CDK8: variants seen among roughly 807,000 people sequenced by gnomAD.
CDK8 encodes cyclin dependent kinase 8.
In CDK8, 29 loss-of-function variants were observed where a neutral mutation model predicts 71.5. That is an observed-to-expected ratio of 0.41 (90% confidence interval 0.30 to 0.55). The LOEUF (loss-of-function observed/expected upper bound fraction) is 0.55, where lower values mean the gene tolerates loss of function less well. Among genes scored for constraint, CDK8 ranks in the 20% least tolerant of loss-of-function variants. The pLI is 0.37. For synonymous variants in CDK8, 161 were observed against 192.1 expected (o/e 0.84, Z 1.34); for missense variants, 288 against 572.6 (o/e 0.50, Z 5.07).
chr13:26,389,412 G>C (rs1180523247), intron 6 of CDK8, among the ~76,000 whole-genome samples: 1 of 151,904 alleles, frequency 6.6e-6, no homozygotes, highest in South Asian at 2.1e-4. Flanking sequence ...CGCCTGCCTC[G>C]GCCTCCCAAA....
At chr13:26,376,397 T>C (rs2138036456) in intron 4 of CDK8, among the ~76,000 whole-genome samples, 1 of 152,304 alleles carries the variant, frequency 6.6e-6, no homozygotes, top group African/African-American at 2.4e-5. Context: ...TTAGAATTTG[T>C]TTAAACTGTT....
At position 26,371,899 on chromosome 13, in the gene CDK8, T is replaced by C. The variant is rs531976880; in HGVS notation, c.457-10915T>C. Among the ~76,000 whole-genome samples the C allele has an allele frequency of 7.9e-5, 12 of 152,264 alleles. No homozygotes were observed. The East Asian group carries it at 1.7e-3, about 22-fold the overall frequency. ...TCCCAAAGTGCTGAGATTACGAGCA[T>C]GAGCTACCGTGCCTGGCCATAACTT... On this transcript the variant is annotated intron_variant, in intron 4 of 12. Coordinates refer to ENST00000381527, the MANE Select transcript of CDK8 (RefSeq NM_001260.3).
chr13:26,290,195 G>A (rs534938540), intron 1 of CDK8, among the ~76,000 whole-genome samples: 1 of 152,146 alleles, frequency 6.6e-6, no homozygotes, highest in Non-Finnish European at 1.5e-5. Context: ...GAAATATAGA[G>A]TATAACTGTA....
At chr13:26,343,510 C>A (rs778026446) in intron 2 of CDK8, among the ~76,000 whole-genome samples, 1 of 152,028 alleles carries the variant, frequency 6.6e-6, no homozygotes, top group Non-Finnish European at 1.5e-5. Flanking sequence ...TCTATGGATT[C>A]GCCCCAAATT....
At chr13:26,380,856 A>G (rs941106250) in intron 4 of CDK8, among the ~76,000 whole-genome samples, 6 of 152,186 alleles carry the variant, frequency 3.9e-5, no homozygotes, top group Non-Finnish European at 7.4e-5. Context: ...TTATACCTCT[A>G]TCGCTCTACA....
At chr13:26,377,529 C>A (rs1310137277) in intron 4 of CDK8, among the ~76,000 whole-genome samples, 2 of 151,982 alleles carry the variant, frequency 1.3e-5, no homozygotes, top group African/African-American at 4.8e-5. Context: ...GTTAAGAATT[C>A]TATGCTTTTT....
chr13:26,313,810 C>G (rs975267454), intron 1 of CDK8, among the ~76,000 whole-genome samples: 14 of 152,078 alleles, frequency 9.2e-5, no homozygotes, highest in Non-Finnish European at 1.5e-5. Context: ...ATATTTACTC[C>G]TTTAACTCAG....
chr13:26,392,897 A>G (rs1463925916), intron 6 of CDK8, among the ~76,000 whole-genome samples: 1 of 152,222 alleles, frequency 6.6e-6, no homozygotes, highest in African/African-American at 2.4e-5. Flanking sequence ...AAAATATTTT[A>G]TCACAAAAAT....
chr13:26,321,890 A>G (rs1305183603), intron 1 of CDK8, among the ~76,000 whole-genome samples: 1 of 152,146 alleles, frequency 6.6e-6, no homozygotes, highest in African/African-American at 2.4e-5. Context: ...AAGACCATAT[A>G]TGAATACCCT....
At chr13:26,361,826 C>A (rs1226572554) in intron 4 of CDK8, among the ~76,000 whole-genome samples, 1 of 100,190 alleles carries the variant, frequency 1.0e-5, no homozygotes, top group African/African-American at 4.3e-5. Flanking sequence ...GACAGGGTGT[C>A]ACTGTGTTGC....
intron 4 of CDK8, among the ~76,000 whole-genome samples, chr13:26,373,030 C>A (rs1874764112): frequency 6.6e-6 from 1 of 152,128 alleles, no homozygotes; most frequent in Non-Finnish European, 1.5e-5. Flanking sequence ...CACTTCAGAG[C>A]CTTCTTGTTT....
chr13:26,376,715 T>C (rs1467429906), intron 4 of CDK8, among the ~76,000 whole-genome samples: 1 of 152,208 alleles, frequency 6.6e-6, no homozygotes, highest in Non-Finnish European at 1.5e-5. Flanking sequence ...CTTAAACTAG[T>C]GTGCTATGCC....
chr13:26,270,657 G>A (rs1022478032), intron 1 of CDK8, among the ~76,000 whole-genome samples: 4 of 152,090 alleles, frequency 2.6e-5, no homozygotes, highest in Non-Finnish European at 5.9e-5. Flanking sequence ...TTTTGTGACT[G>A]ACTTCCTTCA....
intron 1 of CDK8, among the ~76,000 whole-genome samples, chr13:26,324,475 T>G (rs1874932928): frequency 6.6e-6 from 1 of 152,192 alleles, no homozygotes; most frequent in Non-Finnish European, 1.5e-5. Flanking sequence ...ATAGTAACAC[T>G]TGGAGTATAA....
chr13:26,257,800 G>A (rs1289202903), intron 1 of CDK8, among the ~76,000 whole-genome samples: 1 of 151,952 alleles, frequency 6.6e-6, no homozygotes, highest in Non-Finnish European at 1.5e-5. Flanking sequence ...CTTCAAAAAA[G>A]AAAAACAAAA....
At chr13:26,298,715 C>G (rs1873678906) in intron 1 of CDK8, among the ~76,000 whole-genome samples, 1 of 152,178 alleles carries the variant, frequency 6.6e-6, no homozygotes, top group Admixed American at 6.5e-5. Flanking sequence ...CTTGAGGTCT[C>G]TACTCCTGTC....
intron 12 of CDK8, among the ~76,000 whole-genome samples, chr13:26,403,522 C>T (rs1321712849): frequency 6.6e-6 from 1 of 152,020 alleles, no homozygotes; most frequent in East Asian, 1.9e-4. Context: ...TCTGTGATAC[C>T]TTCTCCTATC....
chr13:26,317,161 CAG>C (rs1161682921), intron 1 of CDK8, among the ~76,000 whole-genome samples: 1 of 151,958 alleles, frequency 6.6e-6, no homozygotes, highest in East Asian at 1.9e-4. Context: ...AGAGAAGAAG[CAG>C]AGAGAGAGCA....
At chr13:26,286,186 A>G (rs1234024159) in intron 1 of CDK8, among the ~76,000 whole-genome samples, 1 of 152,246 alleles carries the variant, frequency 6.6e-6, no homozygotes, top group East Asian at 1.9e-4. Flanking sequence ...GAACCAAGAA[A>G]GAGCCCACAT....
Sources: allele counts gnomAD v4.1 joint callset (sites outside exome capture counted in the v4.1 genomes callset), GRCh38; gene constraint gnomAD v4.1.1; transcripts MANE v1.5; gene names NCBI Gene and HGNC (gene_info 2026-07-23, HGNC 2026-07-21).